The following GGA3 variants were observed in gnomAD, a reference collection of about 807,000 sequenced individuals.
The protein encoded by GGA3 is ADP-ribosylation factor-binding protein GGA3.
Under a neutral mutation model 77.5 loss-of-function variants are expected in GGA3, and 57 were observed. The observed-to-expected ratio is 0.74, with a 90% CI of 0.59 to 0.92. The LOEUF is 0.92. Among genes scored for constraint, GGA3 ranks in the 40% least tolerant of loss-of-function variants. The pLI, the probability that GGA3 is intolerant of heterozygous loss-of-function variation, is 0.00. For synonymous variants in GGA3, 416 were observed against 383.7 expected, an observed-to-expected ratio of 1.08 and a Z score of -0.98; for missense variants, 970 against 914.9, an observed-to-expected ratio of 1.06 and a Z score of -0.78.
intron 1 of GGA3, among the ~76,000 whole-genome samples, chr17:75,257,557 T>G (rs1219127312): frequency 6.6e-6 from 1 of 152,178 alleles, no homozygotes; most frequent in Non-Finnish European, 1.5e-5. Context: ...TTCTTAGACC[T>G]TTTATACCTG....
Position 75,240,020 on chromosome 17 carries a change from G to C in GGA3, c.1352C>G (p.Ala451Gly). 1 of 1,552,270 alleles carries C rather than the reference G, an allele frequency of 6.4e-7. No homozygotes were observed. The highest frequency in any genetic ancestry group is 1.2e-5 in the South Asian group (1 of 84,284). ...AGCTTGGGAGCTGCTTGAGGAGGGG[G>C]CTGAGGGCTGGAGCAGAGGAGCATC... ...ASDAPLLQPSAPSSSSSQAPL... is the reference protein window; with the variant it reads ...ASDAPLLQPSGPSSSSSQAPL... The change falls in exon 13 of 17, where the codon GCC becomes GGC. Residue 451 changes from alanine (A) to glycine (G), a missense_variant. Transcript: ENST00000537686.
chr17:75,244,999 T>C (rs2076706025), intron 3 of GGA3, among the ~76,000 whole-genome samples: 1 of 152,162 alleles, frequency 6.6e-6, no homozygotes, highest in Admixed American at 6.5e-5. Context: ...ATGCCAGTCC[T>C]GGAAGGTGCC....
chr17:75,238,305 G>C lies in GGA3; in HGVS notation c.2146C>G (p.Pro716Ala). 3 of 1,613,724 alleles carry C rather than the reference G, an allele frequency of 1.9e-6. No individual in the cohort carries two copies. Residue 716 changes from proline (P) to alanine (A), a missense_variant, in exon 17 of 17, where the codon CCT (proline) becomes GCT (alanine). By Grantham distance (27) the Pro-to-Ala change is conservative (BLOSUM62 -1). Transcript: ENST00000537686. ...TEVGEVDQFP[P>A]VEQWGNL Reference sequence around the variant, plus strand: ...CATAGGTTCCCCCACTGTTCCACAGGAGGGAACTGGTCCACCTCGCCCACC... The same window carrying C: ...CATAGGTTCCCCCACTGTTCCACAGCAGGGAACTGGTCCACCTCGCCCACC...
chr17:75,240,733 C>G (rs1423341891), intron 11 of GGA3, 79 bp downstream of exon 11: 1 of 1,475,270 alleles, frequency 6.8e-7, no homozygotes, highest in Non-Finnish European at 9.0e-7. Flanking sequence ...TGGGGCCCCG[C>G]TCAGGGCTCC....
At chr17:75,261,768 G>A (rs1416995528), upstream of GGA3, 100 of 1,168,580 alleles carry the variant, frequency 8.6e-5, no homozygotes, top group Non-Finnish European at 1.2e-4. Flanking sequence ...ACCCCGGAGT[G>A]AAAAACTCTA....
Position 75,246,712 on chromosome 17 carries a change from C to T in GGA3, c.125G>A (p.Gly42Glu). The change falls in exon 2 of 17, where the codon GGG (glycine) becomes GAG (glutamate). Residue 42 changes from glycine to glutamate, a missense_variant and splice_region_variant. Physicochemically the swap from Gly to Glu is moderately conservative, Grantham distance 98. Transcript: ENST00000537686. ...FCDQINKELE[G>E]PQIAVRLLAH... Reference sequence around the variant, plus strand: ...CTGCCCCCACAGTGCTGAGACTCACCCTTCCAGCTCCTTGTTGATCTGATC... The same window carrying T: ...CTGCCCCCACAGTGCTGAGACTCACTCTTCCAGCTCCTTGTTGATCTGATC... 6.2e-7 allele frequency: 1 copy of T among 1,612,970 alleles called. No individual in the cohort carries two copies. Among genetic ancestry groups the T allele is most frequent in the Non-Finnish European group, 8.5e-7 (1 of 1,178,932 alleles).
chr17:75,260,753 T>C (rs1374420217), intron 1 of GGA3, among the ~76,000 whole-genome samples: 2 of 152,234 alleles, frequency 1.3e-5, no homozygotes, highest in Non-Finnish European at 2.9e-5. Flanking sequence ...GGCAGAGTAC[T>C]ACCTGCTAAC....
Position 75,238,204 on chromosome 17 carries a change from T to G in GGA3, c.*75A>C, listed in dbSNP as rs2076387186. 2 of 1,562,462 alleles carry G rather than the reference T, an allele frequency of 1.3e-6. No homozygotes were observed. The highest frequency in any genetic ancestry group is 1.7e-6 in the Non-Finnish European group (2 of 1,152,356). ...AGCACTGTTGTCAGGGCATGGAGAG[T>G]GACGGGACCAGAGCCCTCCTCGTCT... On this transcript the variant is annotated 3_prime_UTR_variant, in exon 17 of 17. Coordinates refer to ENST00000537686, the MANE Select transcript of GGA3 (RefSeq NM_138619.4).
At chr17:75,254,337 C>T (rs939736426) in intron 1 of GGA3, among the ~76,000 whole-genome samples, 2 of 152,164 alleles carry the variant, frequency 1.3e-5, no homozygotes, top group Non-Finnish European at 2.9e-5. Context: ...CTTACAGTTT[C>T]GTTCAGTGAC....
At position 75,241,446 on chromosome 17, in the gene GGA3, C is replaced by T. The variant is rs923792130; in HGVS notation, c.900G>A (p.Gln300=). The part of the protein sequence containing the change: ...INSYKTIIEG[Q]VINGEVATLT... ...AGGTAGCCACCTCGCCATTGATGAC[C>T]TGCCCTTCAATAATTGTTTTGTAAG... The change falls in exon 10 of 17, where the codon CAG becomes CAA. Residue 300 remains glutamine, a synonymous_variant. Transcript: ENST00000537686. 5.6e-6 allele frequency: 9 copies of T among 1,614,020 alleles called. No homozygotes were observed. The African/African-American group carries it at 8.0e-5, about 14-fold the overall frequency.
chr17:75,254,762 T>G (rs1020220218), intron 1 of GGA3, among the ~76,000 whole-genome samples: 3 of 152,176 alleles, frequency 2.0e-5, no homozygotes, highest in Non-Finnish European at 2.9e-5. Context: ...AAACCCCAGC[T>G]ACATCTCCAG....
rs1157393885 is a variant in GGA3, at chr17:75,240,868, C to T, written c.1136G>A (p.Gly379Glu). 7.4e-6 allele frequency: 12 copies of T among 1,613,330 alleles called. No individual in the cohort carries two copies. Among genetic ancestry groups the T allele is most frequent in the East Asian group, 4.5e-5 (2 of 44,866 alleles). Residue 379 changes from glycine to glutamate, a missense_variant, in exon 11 of 17, where the codon GGG becomes GAG. Gly to Glu is a moderately conservative substitution (Grantham distance 98). Coordinates refer to ENST00000537686, the MANE Select transcript of GGA3 (RefSeq NM_138619.4). ...GAGGGCGTTGCTTGTGCTGCTGGGC[C>T]CCAGGGTGGCCTCGGCCTGGCTAGA... ...RSSSQAEATL[G>E]PSSTSNALSW...
chr17:75,258,346 G>A (rs191458054), intron 1 of GGA3, among the ~76,000 whole-genome samples: 36 of 152,326 alleles, frequency 2.4e-4, no homozygotes, highest in Non-Finnish European at 4.9e-4. Flanking sequence ...CAGAAGGAAT[G>A]AGGGCCTGAT....
Position 75,240,407 on chromosome 17 carries a change from C to T in GGA3, c.1198G>A (p.Ala400Thr), listed in dbSNP as rs139958143. ...LDEELLCLGL[A>T]DPAPNVPPKE... Reference sequence around the variant, plus strand: ...GGAGGAACATTAGGGGCTGGGTCGGCGAGGCCTGACAATAGAGAAGAAAAC... The same window carrying T: ...GGAGGAACATTAGGGGCTGGGTCGGTGAGGCCTGACAATAGAGAAGAAAAC... The change falls in exon 12 of 17, where the codon GCC becomes ACC. Residue 400 changes from alanine to threonine, a missense_variant. Ala to Thr is a moderately conservative substitution (Grantham distance 58). Transcript: ENST00000537686. 9 of 1,590,986 alleles carry T rather than the reference C, an allele frequency of 5.7e-6. No homozygotes were observed. The highest frequency in any genetic ancestry group is 2.3e-5 in the South Asian group (2 of 87,530).
At position 75,237,829 on chromosome 17, in the gene GGA3, G is replaced by C; in HGVS notation, c.*450C>G. ...GCGGGGGAAGCATGGAATTGCAACA[G>C]GGCTGCAGCCCCTTGGGCCGTGCAT... On this transcript the variant is annotated 3_prime_UTR_variant, in exon 17 of 17. Coordinates refer to ENST00000537686, the MANE Select transcript of GGA3 (RefSeq NM_138619.4). 4 of 1,428,688 alleles carry C rather than the reference G, an allele frequency of 2.8e-6. No individual in the cohort carries two copies. The highest frequency in any genetic ancestry group is 3.6e-6 in the Non-Finnish European group (4 of 1,096,792). The allele number at this position is 1,428,688 out of a possible 1,614,324, so 88.5% of individuals were successfully genotyped here. A position where few individuals can be genotyped will look rare whatever the true frequency, so the allele number is the denominator to read the frequency against.
chr17:75,239,666 A>G, intron 13 of GGA3, 95 bp from the exon 14 acceptor site: 2 of 1,425,606 alleles, frequency 1.4e-6, no homozygotes, highest in Non-Finnish European at 9.8e-7. Context: ...ACCCAGGCCC[A>G]CCCCTTGCCT....
In GGA3 at chr17:75,259,950, C is replaced by A. The variant is rs541080595; in HGVS notation, c.40+1598G>T. Among the ~76,000 whole-genome samples the A allele has an allele frequency of 3.3e-5, 5 of 152,148 alleles. No homozygotes were observed. In the East Asian group the frequency reaches 9.7e-4, roughly 29 times the overall value. On this transcript the variant is annotated intron_variant, in intron 1 of 16. Coordinates refer to ENST00000537686, the MANE Select transcript of GGA3 (RefSeq NM_138619.4). ...GGATCACTTGAACTCGAGTTTGAGA[C>A]CATCCTGGGCAACACAGCAAGACCT...
chr17:75,258,475 G>C (rs1468952007), intron 1 of GGA3, among the ~76,000 whole-genome samples: 1 of 152,112 alleles, frequency 6.6e-6, no homozygotes, highest in African/African-American at 2.4e-5. Context: ...TTTGACAACA[G>C]CCTGGCCAAC....
chr17:75,242,638 C>G (rs934441141), intron 7 of GGA3, among the ~76,000 whole-genome samples, 165 bp from the exon 8 acceptor site: 1 of 152,136 alleles, frequency 6.6e-6, no homozygotes, highest in Non-Finnish European at 1.5e-5. Flanking sequence ...CAACACTGCT[C>G]CCAACCCACT....
Sources: allele counts gnomAD v4.1 joint callset (sites outside exome capture counted in the v4.1 genomes callset), GRCh38; gene constraint gnomAD v4.1.1; transcripts MANE v1.5; gene names NCBI Gene and HGNC (gene_info 2026-07-23, HGNC 2026-07-21).